S100PBP: variants seen among roughly 807,000 people sequenced by gnomAD.
S100PBP encodes S100P binding protein.
In S100PBP, 15 loss-of-function variants were observed where a neutral mutation model predicts 39.9. That is an observed-to-expected ratio of 0.38 (90% CI 0.25 to 0.58). S100PBP has a LOEUF of 0.58. S100PBP is among the 20% of genes least tolerant of loss of function. The pLI is 0.70. For synonymous variants in S100PBP, 178 were observed against 180.3 expected (o/e 0.99, Z 0.10); for missense variants, 504 against 487.3 (o/e 1.03, Z -0.32).
Position 32,826,633 on chromosome 1 carries a change from A to G in S100PBP, c.534A>G (p.Gly178=), listed in dbSNP as rs1639341674. Residue 178 remains glycine (G), a synonymous_variant, in exon 3 of 7, where the codon GGA becomes GGG. Transcript: ENST00000373475. ...ATACTGAAAAACTCTCTTCCCTTGG[A>G]GAAGAGATGAGAGAAGATGGTCTTA... The part of the protein sequence containing the change: ...SKDTEKLSSL[G]EEMREDGLSP... 6.2e-7 allele frequency: 1 copy of G among 1,614,032 alleles called. No homozygotes were observed.
intron 5 of S100PBP, among the ~76,000 whole-genome samples, chr1:32,833,803 T>C (rs1489457309): frequency 6.6e-6 from 1 of 152,210 alleles, no homozygotes; most frequent in African/African-American, 2.4e-5. Flanking sequence ...AGGTAGAATA[T>C]ATACAGGGAA....
At chr1:32,823,801 A>G (rs1639192006) in intron 1 of S100PBP, among the ~76,000 whole-genome samples, 1 of 152,228 alleles carries the variant, frequency 6.6e-6, no homozygotes, top group African/African-American at 2.4e-5. Context: ...CGTATTATAC[A>G]TTATGAGGGC....
At position 32,825,311 on chromosome 1, in the gene S100PBP, A is replaced by G. The variant is rs554116419; in HGVS notation, c.-119-2A>G. 9.8e-5 allele frequency: 15 copies of G among 152,296 alleles called. No individual in the cohort carries two copies. The highest frequency in any genetic ancestry group is 3.6e-4 in the African/African-American group (15 of 41,556). The allele number at this position is 152,296 out of a possible 1,614,324, so 9.4% of individuals were successfully genotyped here. A position where few individuals can be genotyped will look rare whatever the true frequency, so the allele number is the denominator to read the frequency against. ...ATCCTCTAATTTTCTTTTTGCCTGC[A>G]GGAAGGTGGGAGTCAATCATTTTGA... On this transcript the variant is annotated splice_acceptor_variant, in intron 1 of 6. Coordinates refer to ENST00000373475, the MANE Select transcript of S100PBP (RefSeq NM_022753.4). LOFTEE classifies it low-confidence loss of function (5UTR_SPLICE).
upstream of S100PBP, chr1:32,817,401 C>T (rs1224825373): frequency 2.7e-5 from 24 of 896,932 alleles, no homozygotes; most frequent in East Asian, 1.6e-4. Flanking sequence ...CCTCCGGCAG[C>T]GGCCGGAAAA....
Position 32,857,805 on chromosome 1 carries a change from C to T in S100PBP, c.*1767C>T, listed in dbSNP as rs1190170337. The T allele has an allele frequency of 2.6e-5, 4 of 152,132 alleles. No homozygotes were observed. Among genetic ancestry groups the T allele is most frequent in the Non-Finnish European group, 4.4e-5 (3 of 68,026 alleles). 9.4% of individuals were successfully genotyped at this position (152,132 alleles called of 1,614,324 possible). A position where few individuals can be genotyped will look rare whatever the true frequency, so the allele number is the denominator to read the frequency against. ...CATCCTACCCCACTTTAGAAACGGA[C>T]GTGGGGAACGCTTGGTCATTTAAGC... is the stretch of plus-strand genomic sequence containing the variant. On this transcript the variant is annotated 3_prime_UTR_variant, in exon 7 of 7. Transcript: ENST00000373475.
intron 5 of S100PBP, among the ~76,000 whole-genome samples, chr1:32,844,776 G>T (rs1352467576): frequency 1.3e-5 from 2 of 151,554 alleles, no homozygotes; most frequent in African/African-American, 4.8e-5. Context: ...TATAGATAGA[G>T]ATATATATCT....
intron 5 of S100PBP, among the ~76,000 whole-genome samples, chr1:32,851,863 T>A (rs994840497): frequency 1.3e-5 from 2 of 152,188 alleles, no homozygotes; most frequent in African/African-American, 4.8e-5. Flanking sequence ...TTATAATGTA[T>A]GTTAAAATTT....
At chr1:32,851,312 G>T (rs1227324860) in intron 5 of S100PBP, among the ~76,000 whole-genome samples, 1 of 152,106 alleles carries the variant, frequency 6.6e-6, no homozygotes, top group Non-Finnish European at 1.5e-5. Flanking sequence ...AGTAGATAAG[G>T]TAATGAAAAA....
intron 5 of S100PBP, chr1:32,836,713 TC>T: frequency 2.6e-6 from 1 of 389,262 alleles, no homozygotes; most frequent in Non-Finnish European, 3.5e-6. Flanking sequence ...AGAGCTGTCA[TC>T]CCAGGATTTT....
At chr1:32,835,559 C>T (rs1639780219) in intron 5 of S100PBP, 1 of 152,018 alleles carries the variant, frequency 6.6e-6, no homozygotes, top group Non-Finnish European at 1.5e-5. Flanking sequence ...AACAGTTCCC[C>T]CTCTCTCCCT....
intron 5 of S100PBP, among the ~76,000 whole-genome samples, chr1:32,834,464 C>G (rs569438311): frequency 9.2e-5 from 14 of 152,248 alleles, no homozygotes; most frequent in African/African-American, 3.4e-4. Context: ...TCTGTATTTC[C>G]TGTAAACTAG....
intron 5 of S100PBP, among the ~76,000 whole-genome samples, chr1:32,832,843 G>T (rs1377024726): frequency 6.6e-6 from 1 of 152,134 alleles, no homozygotes; most frequent in Admixed American, 6.5e-5. Context: ...AGTTCAGTTT[G>T]AATCCTCTCC....
At position 32,829,909 on chromosome 1, in the gene S100PBP, T is replaced by C; in HGVS notation, c.921-55T>C. 4 of 1,238,748 alleles carry C rather than the reference T, an allele frequency of 3.2e-6. No individual in the cohort carries two copies. The East Asian group carries it at 9.3e-5, about 29-fold the overall frequency. The allele number at this position is 1,238,748 out of a possible 1,614,324, so 76.7% of individuals were successfully genotyped here. Reference sequence around the variant, plus strand: ...TATATCACTTCTCTCTACAAAACGCTATATTCCTGTTTCTAATGGGCTGTT... The same window carrying C: ...TATATCACTTCTCTCTACAAAACGCCATATTCCTGTTTCTAATGGGCTGTT... On this transcript the variant is annotated intron_variant, in intron 4 of 6. Transcript: ENST00000373475.
intron 5 of S100PBP, among the ~76,000 whole-genome samples, chr1:32,839,316 T>C (rs1384339752): frequency 6.6e-6 from 1 of 152,220 alleles, no homozygotes; most frequent in African/African-American, 2.4e-5. Flanking sequence ...TGTCAGAATC[T>C]CCTTCCTTTT....
Position 32,820,095 on chromosome 1 carries a change from G to A in S100PBP, c.-120+2406G>A, listed in dbSNP as rs529547070. ...ATTAGATAATTTCAAGCAGGGTCTA[G>A]GGGAAATTCCCTACCAGTTTAGCAC... On this transcript the variant is annotated intron_variant, in intron 1 of 6. Transcript: ENST00000373475. 6.6e-5 allele frequency among the ~76,000 whole-genome samples: 10 copies of A among 151,814 alleles called. No homozygotes were observed. In the South Asian group the frequency reaches 2.1e-3, roughly 32 times the overall value.
At position 32,856,150 on chromosome 1, in the gene S100PBP, A is replaced by G; in HGVS notation, c.*112A>G. 1 of 666,116 alleles carries G rather than the reference A, an allele frequency of 1.5e-6. No homozygotes were observed. Among genetic ancestry groups the G allele is most frequent in the South Asian group, 2.1e-5 (1 of 47,726 alleles). 41.3% of individuals were successfully genotyped at this position (666,116 alleles called of 1,614,324 possible). ...GCCGATTTTGGATTTTATTTTTCAC[A>G]AAATTTTTATTTAAAAAACTCGTCA... On this transcript the variant is annotated 3_prime_UTR_variant, in exon 7 of 7. Transcript: ENST00000373475.
Position 32,826,317 on chromosome 1 carries a change from C to G in S100PBP, c.218C>G (p.Ser73Cys), listed in dbSNP as rs887945677. 5 of 1,614,072 alleles carry G rather than the reference C, an allele frequency of 3.1e-6. No individual in the cohort carries two copies. The highest frequency in any genetic ancestry group is 3.4e-6 in the Non-Finnish European group (4 of 1,179,974). ...GATGACCCATCATATGAGCAGTCTTCTGGGGAAGATGATGGTGGGCATGTT... is the reference window on the plus strand; with the variant it reads ...GATGACCCATCATATGAGCAGTCTTGTGGGGAAGATGATGGTGGGCATGTT... ...KEDDPSYEQS[S>C]GEDDGGHVEK... Residue 73 changes from serine to cysteine, a missense_variant, in exon 3 of 7, where the codon TCT becomes TGT. Transcript: ENST00000373475.
chr1:32,830,031 A>G lies in S100PBP; in HGVS notation c.988A>G (p.Ile330Val). The G allele has an allele frequency of 6.2e-7, 1 of 1,613,652 alleles. No homozygotes were observed. The highest frequency in any genetic ancestry group is 1.1e-5 in the South Asian group (1 of 91,080). ...GAAGCAGCTTTATCTCAGGAGTGTC[A>G]TTGCTCATATAGAAGACCCAGAGGA... ...QQKQLYLRSVIAHIEDPEDTN... is the reference protein window; with the variant it reads ...QQKQLYLRSVVAHIEDPEDTN... Residue 330 changes from isoleucine to valine, a missense_variant, in exon 5 of 7, where the codon ATT (isoleucine) becomes GTT (valine). By Grantham distance (29) the Ile-to-Val change is conservative. Coordinates refer to ENST00000373475, the MANE Select transcript of S100PBP (RefSeq NM_022753.4).
At chr1:32,842,626 A>G (rs1025516049) in intron 5 of S100PBP, among the ~76,000 whole-genome samples, 1 of 151,782 alleles carries the variant, frequency 6.6e-6, no homozygotes, top group African/African-American at 2.4e-5. Flanking sequence ...ATGGAGTCTC[A>G]CTCTGTTGCC....
Sources: gnomAD v4.1 joint callset for allele counts (sites outside exome capture counted in the v4.1 genomes callset) on GRCh38, gnomAD v4.1.1 for gene constraint, MANE v1.5 for transcripts, NCBI Gene and HGNC (gene_info 2026-07-23, HGNC 2026-07-21) for gene names.